Variants in UQCC5 observed in about 807,000 individuals in gnomAD.
The protein encoded by UQCC5 is UPF0640 protein C3orf78.
the UQCC5 span, among the ~76,000 whole-genome samples, chr3:52,539,796 AC>A: frequency 6.6e-6 from 1 of 151,848 alleles, no homozygotes; most frequent in African/African-American, 2.4e-5. Context: ...CTGCCACCAC[AC>A]CCGGTTAATT....
chr3:52,538,335 G>C, the UQCC5 span, among the ~76,000 whole-genome samples: 1 of 152,222 alleles, frequency 6.6e-6, no homozygotes, highest in South Asian at 2.1e-4. Flanking sequence ...GGCACCATCT[G>C]GGACGTGACG....
chr3:52,536,629 C>T, the UQCC5 span: 8 of 1,476,792 alleles, frequency 5.4e-6, no homozygotes, highest in South Asian at 2.7e-5. Flanking sequence ...CAGACAGTGG[C>T]GGAGGACGGC....
At chr3:52,539,229 G>A in the UQCC5 span, among the ~76,000 whole-genome samples, 1 of 152,150 alleles carries the variant, frequency 6.6e-6, no homozygotes, top group African/African-American at 2.4e-5. Context: ...ATCTGTGGTT[G>A]GGGTTTTGAG....
At chr3:52,541,361 A>C in the UQCC5 span, 1 of 152,246 alleles carries the variant, frequency 6.6e-6, no homozygotes, top group East Asian at 1.9e-4. Flanking sequence ...ACTAAGTTTC[A>C]GAATAGTTTC....
At chr3:52,540,713 ACACT>A in the UQCC5 span, 1 of 416,228 alleles carries the variant, frequency 2.4e-6, no homozygotes, top group African/African-American at 2.1e-5. Context: ...TCCTCCTAAA[ACACT>A]CACTCGATGA....
At chr3:52,538,344 C>T in the UQCC5 span, among the ~76,000 whole-genome samples, 6 of 152,076 alleles carry the variant, frequency 3.9e-5, no homozygotes, top group Admixed American at 2.6e-4. Flanking sequence ...TGGGACGTGA[C>T]GAGGTAGATA....
At chr3:52,540,511 T>A in the UQCC5 span, 29 of 1,487,288 alleles carry the variant, frequency 1.9e-5, no homozygotes, top group African/African-American at 8.6e-5. Context: ...GTCAATAAAG[T>A]CAATATGAAT....
chr3:52,538,060 C>CATGTGGAGA, the UQCC5 span, among the ~76,000 whole-genome samples: 1 of 152,220 alleles, frequency 6.6e-6, no homozygotes, highest in African/African-American at 2.4e-5. Flanking sequence ...GAGGCTTTAA[C>CATGTGGAGA]ATGTGGAGAA....
chr3:52,538,006 T>G, the UQCC5 span, among the ~76,000 whole-genome samples: 3 of 152,190 alleles, frequency 2.0e-5, no homozygotes, highest in Non-Finnish European at 4.4e-5. Context: ...GCAAAGGGAC[T>G]GGAGAACCAA....
the UQCC5 span, chr3:52,536,669 G>A: frequency 6.6e-7 from 1 of 1,517,498 alleles, no homozygotes; most frequent in Non-Finnish European, 8.9e-7. Flanking sequence ...CGCGGTACAC[G>A]GCGAGAACGG....
the UQCC5 span, among the ~76,000 whole-genome samples, chr3:52,537,903 G>A: frequency 6.6e-6 from 1 of 152,224 alleles, no homozygotes; most frequent in Non-Finnish European, 1.5e-5. Context: ...CATGGCAGTG[G>A]TAGGAGCACT....
the UQCC5 span, chr3:52,540,487 AC>A: frequency 6.6e-7 from 1 of 1,524,744 alleles, no homozygotes; most frequent in Non-Finnish European, 8.8e-7. Context: ...GATGAATGAG[AC>A]TGAACTTCAG....
At chr3:52,536,723 C>T in the UQCC5 span, 3 of 1,551,150 alleles carry the variant, frequency 1.9e-6, no homozygotes, top group Non-Finnish European at 8.7e-7. Flanking sequence ...GTGCTTAGTT[C>T]CGTCATATCC....
At chr3:52,536,610 T>G in the UQCC5 span, 1 of 1,456,004 alleles carries the variant, frequency 6.9e-7, no homozygotes, top group Non-Finnish European at 9.1e-7. Flanking sequence ...CCGGCACTCG[T>G]GCGCCTACCA....
At chr3:52,537,768 G>A in the UQCC5 span, among the ~76,000 whole-genome samples, 1 of 142,314 alleles carries the variant, frequency 7.0e-6, no homozygotes, top group Non-Finnish European at 1.5e-5. Context: ...TCTCGGGTGG[G>A]CGCCTCAACT....
the UQCC5 span, among the ~76,000 whole-genome samples, chr3:52,537,378 G>A: frequency 6.6e-6 from 1 of 152,186 alleles, no homozygotes; most frequent in African/African-American, 2.4e-5. Flanking sequence ...TTTGGTCTGG[G>A]TCCAGATGAT....
the UQCC5 span, chr3:52,536,706 C>A: frequency 2.6e-6 from 4 of 1,544,590 alleles, no homozygotes; most frequent in African/African-American, 2.7e-5. Context: ...TGCGTCCGGG[C>A]GATCCAGTGC....
At chr3:52,540,309 T>C in the UQCC5 span, 1 of 752,196 alleles carries the variant, frequency 1.3e-6, no homozygotes, top group Non-Finnish European at 2.1e-6. Context: ...GAGTTAAATA[T>C]TAATGCCAAG....
the UQCC5 span, chr3:52,536,679 G>C: frequency 2.6e-6 from 4 of 1,528,314 alleles, no homozygotes; most frequent in East Asian, 9.9e-5. Flanking sequence ...GGCGAGAACG[G>C]GCGGGGCGGT....
Sources: allele counts gnomAD v4.1 joint callset (sites outside exome capture counted in the v4.1 genomes callset), GRCh38; gene constraint gnomAD v4.1.1; transcripts MANE v1.5; gene names NCBI Gene and HGNC (gene_info 2026-07-23, HGNC 2026-07-21).